CYTH1: variants seen among roughly 807,000 people sequenced by gnomAD.
CYTH1 encodes the protein cytohesin 1, also known as cytohesin-1.
CYTH1 carries 18 observed loss-of-function variants against 61.8 expected under a neutral mutation model. The observed-to-expected ratio is 0.29, with a 90% CI of 0.20 to 0.43. The LOEUF (loss-of-function observed/expected upper bound fraction) is 0.43. Among genes scored for constraint, CYTH1 ranks in the 20% least tolerant of loss-of-function variants. CYTH1 has a pLI of 1.00. For synonymous variants in CYTH1, 174 were observed against 184.3 expected, an observed-to-expected ratio of 0.94 and a Z score of 0.45; for missense variants, 336 against 510.5, an observed-to-expected ratio of 0.66 and a Z score of 3.29.
At chr17:78,738,282 A>G (rs2093329068) in intron 1 of CYTH1, among the ~76,000 whole-genome samples, 1 of 152,220 alleles carries the variant, frequency 6.6e-6, no homozygotes, top group Admixed American at 6.5e-5. Context: ...CCATCCCCAG[A>G]TCACAGATGA....
intron 3 of CYTH1, among the ~76,000 whole-genome samples, chr17:78,707,166 G>A (rs369960846): frequency 6.6e-6 from 1 of 152,164 alleles, no homozygotes; most frequent in African/African-American, 2.4e-5. Flanking sequence ...GCTGCCTTCT[G>A]TGGAGGACTC....
chr17:78,748,341 G>A (rs1261432475), intron 1 of CYTH1, among the ~76,000 whole-genome samples: 2 of 152,186 alleles, frequency 1.3e-5, no homozygotes, highest in Non-Finnish European at 2.9e-5. Flanking sequence ...TGATCATCCT[G>A]CTGTGTGATT....
intron 1 of CYTH1, among the ~76,000 whole-genome samples, chr17:78,771,161 G>C (rs34859868): frequency 0.021 from 3,123 of 152,284 alleles, 96 homozygotes; most frequent in South Asian, 0.15. Context: ...TACTCAGGAG[G>C]CTGAGGCAGG....
intron 1 of CYTH1, chr17:78,723,648 G>C (rs2093248944): frequency 6.5e-6 from 1 of 152,682 alleles, no homozygotes; most frequent in South Asian, 2.1e-4. Flanking sequence ...CGGCCTCCCG[G>C]GGGGGAGGGG....
chr17:78,743,199 T>C (rs1413690607), intron 1 of CYTH1, among the ~76,000 whole-genome samples: 1 of 152,098 alleles, frequency 6.6e-6, no homozygotes, highest in Non-Finnish European at 1.5e-5. Flanking sequence ...AAAAAAGAAA[T>C]AAGCCAGGAA....
rs766691766 is a variant in CYTH1 at position 78,717,461 on chromosome 17, A to G, written c.23-7729T>C. On this transcript the variant is annotated intron_variant, in intron 1 of 13. Coordinates refer to ENST00000446868, the MANE Select transcript of CYTH1 (RefSeq NM_004762.6). The surrounding 1 kb of genome is among the most constrained non-coding windows in gnomAD (Gnocchi z 4.4). ...GCTATTGTGCTTGGCTGTGAATAGG[A>G]AAGCCACACAAGGGAAGCTTTCATT... Among the ~76,000 whole-genome samples the G allele has an allele frequency of 1.4e-4, 22 of 152,336 alleles. No homozygotes were observed. Among genetic ancestry groups the G allele is most frequent in the Non-Finnish European group, 2.8e-4 (19 of 68,026 alleles).
At chr17:78,676,286 A>C in intron 13 of CYTH1, 117 bp from the exon 14 acceptor site, 2 of 942,668 alleles carry the variant, frequency 2.1e-6, no homozygotes, top group Non-Finnish European at 3.2e-6. Context: ...CCACCCCACC[A>C]TCACTGCAAA....
At chr17:78,733,217 ATAATACTAGT>A (rs535515046) in intron 1 of CYTH1, among the ~76,000 whole-genome samples, 115 of 152,306 alleles carry the variant, frequency 7.6e-4, no homozygotes, top group African/African-American at 2.5e-3. Flanking sequence ...TTTCCTACAA[ATAATACTAGT>A]TTATACACAC....
At position 78,700,736 on chromosome 17, in the gene CYTH1, G is replaced by GCTC. The variant is rs2093000020; in HGVS notation, c.438-294_438-293insGAG. On this transcript the variant is annotated intron_variant, in intron 6 of 13. Transcript: ENST00000446868. This position sits in a 1 kb window ranked among gnomAD's most constrained non-coding sequence, Gnocchi z 5.1. ...GACGGGGTTTCACCATGCTGGCCAGGCTGGTCTCAAACTCCTGGCCTCAAG... is the reference window on the plus strand; with the variant it reads ...GACGGGGTTTCACCATGCTGGCCAGGCTCCTGGTCTCAAACTCCTGGCCTCAAG... Among the ~76,000 whole-genome samples, 1 of 152,020 alleles carries GCTC rather than the reference G, an allele frequency of 6.6e-6. No homozygotes were observed. The highest frequency in any genetic ancestry group is 1.5e-5 in the Non-Finnish European group (1 of 67,982).
At chr17:78,690,132 T>C (rs1239291635) in intron 11 of CYTH1, among the ~76,000 whole-genome samples, 1 of 151,894 alleles carries the variant, frequency 6.6e-6, no homozygotes, top group Non-Finnish European at 1.5e-5. Flanking sequence ...CTCTGTGTCT[T>C]AAGAAATGTA....
At chr17:78,712,146 GAGGA>G (rs1324715833) in intron 1 of CYTH1, among the ~76,000 whole-genome samples, 1 of 79,482 alleles carries the variant, frequency 1.3e-5, no homozygotes, top group Non-Finnish European at 2.5e-5. Context: ...GGAAGGGAAG[GAGGA>G]AGGAAGGGAG....
Position 78,681,016 on chromosome 17 carries a change from A to AG in CYTH1, c.917dup (p.Leu307PhefsTer19). 2 of 1,614,120 alleles carry AG rather than the reference A, an allele frequency of 1.2e-6. No homozygotes were observed. The stretch of plus-strand genomic sequence containing the variant: ...CTTCCCGGATACTCAGATTCTCTAA[A>AG]GGGATGATTCCACGGGGCTCCTTAT... On this transcript the variant is annotated frameshift_variant, in exon 12 of 14. Transcript: ENST00000446868. LOFTEE classifies it high-confidence loss of function.
At chr17:78,694,012 C>T (rs1598835745) in intron 10 of CYTH1, among the ~76,000 whole-genome samples, 1 of 152,200 alleles carries the variant, frequency 6.6e-6, no homozygotes, top group South Asian at 2.1e-4. Flanking sequence ...TCACAAATAG[C>T]TGAGCAAAGA....
chr17:78,696,104 CCTTAAT>C (rs1454197353), intron 9 of CYTH1, 95 bp from the exon 10 acceptor site: 227 of 1,346,844 alleles, frequency 1.7e-4, no homozygotes, highest in Non-Finnish European at 2.2e-4. Flanking sequence ...AAACCCGATT[CCTTAAT>C]CTTAAAGTGC....
intron 1 of CYTH1, among the ~76,000 whole-genome samples, chr17:78,781,035 T>C (rs1387894491): frequency 6.6e-6 from 1 of 150,720 alleles, no homozygotes; most frequent in Non-Finnish European, 1.5e-5. Flanking sequence ...TAAAATAAAA[T>C]AATAAAATAA....
chr17:78,755,425 G>A (rs187302134), intron 1 of CYTH1, among the ~76,000 whole-genome samples: 4 of 143,020 alleles, frequency 2.8e-5, no homozygotes, highest in Non-Finnish European at 6.0e-5. Flanking sequence ...GAGCCACCAC[G>A]CCCAGCCTCA....
chr17:78,686,955 AT>A (rs1474599621), intron 11 of CYTH1, among the ~76,000 whole-genome samples: 2 of 151,564 alleles, frequency 1.3e-5, no homozygotes, highest in Admixed American at 1.3e-4. Flanking sequence ...CTGATTTTTT[AT>A]TTTTAGTAGA....
intron 1 of CYTH1, among the ~76,000 whole-genome samples, chr17:78,729,005 A>C (rs553580678): frequency 8.5e-5 from 13 of 152,258 alleles, no homozygotes; most frequent in Non-Finnish European, 1.9e-4. Context: ...TGAAAATGAA[A>C]AGCTTCTGAG....
Position 78,674,880 on chromosome 17 carries a change from A to G in CYTH1, c.*1211T>C, listed in dbSNP as rs34081729. Reference sequence around the variant, plus strand: ...GAGGAGGGGCAGGGCCAGCTCACACAGCGCCTGCAGGGGAAGACAGAGATG... The same window carrying G: ...GAGGAGGGGCAGGGCCAGCTCACACGGCGCCTGCAGGGGAAGACAGAGATG... On this transcript the variant is annotated 3_prime_UTR_variant, in exon 14 of 14. Coordinates refer to ENST00000446868, the MANE Select transcript of CYTH1 (RefSeq NM_004762.6). The G allele has an allele frequency of 0.056, 8,493 of 152,978 alleles. 450 individuals carry two copies. The highest frequency in any genetic ancestry group is 0.15 in the South Asian group (739 of 4,836). 9.5% of individuals were successfully genotyped at this position (152,978 alleles called of 1,614,324 possible). A position where few individuals can be genotyped will look rare whatever the true frequency, so the allele number is the denominator to read the frequency against.
Sources: allele counts gnomAD v4.1 joint callset (sites outside exome capture counted in the v4.1 genomes callset), GRCh38; gene constraint gnomAD v4.1.1; non-coding constraint Gnocchi (gnomAD v3.1); transcripts MANE v1.5; gene names NCBI Gene and HGNC (gene_info 2026-07-23, HGNC 2026-07-21).